JAZF1: variants seen among roughly 807,000 people sequenced by gnomAD.
JAZF1 encodes juxtaposed with another zinc finger protein 1.
Under a neutral mutation model 26.4 loss-of-function variants are expected in JAZF1, and 8 were observed. The ratio of observed to expected loss-of-function variants is 0.30; its 90% CI spans 0.18 to 0.55. The LOEUF (loss-of-function observed/expected upper bound fraction) is 0.55, where lower values mean the gene tolerates loss of function less well. Ranked by LOEUF, JAZF1 falls within the 20% of genes least tolerant of loss-of-function variation. The pLI is 0.94. For missense variants in JAZF1, 199 were observed against 322.0 expected (o/e 0.62, Z 2.92); for synonymous variants, 126 against 122.3 (o/e 1.03, Z -0.20).
chr7:27,983,391 T>C (rs1453386756), intron 2 of JAZF1, among the ~76,000 whole-genome samples: 2 of 151,770 alleles, frequency 1.3e-5, no homozygotes, highest in Non-Finnish European at 2.9e-5. Flanking sequence ...AGAAGAGAAG[T>C]TTAGAGAAAA....
At chr7:28,046,664 C>A (rs1274877793) in intron 1 of JAZF1, among the ~76,000 whole-genome samples, 1 of 152,106 alleles carries the variant, frequency 6.6e-6, no homozygotes, top group African/African-American at 2.4e-5. Flanking sequence ...CTGGACATTG[C>A]CAATCATTTT....
chr7:28,168,889 T>C (rs968636239), intron 1 of JAZF1, among the ~76,000 whole-genome samples: 2 of 152,234 alleles, frequency 1.3e-5, no homozygotes, highest in African/African-American at 4.8e-5. Flanking sequence ...GGCAACACAT[T>C]AGAATAAACT....
chr7:27,977,471 A>T (rs1785498158), intron 2 of JAZF1, among the ~76,000 whole-genome samples: 1 of 152,130 alleles, frequency 6.6e-6, no homozygotes, highest in South Asian at 2.1e-4. Flanking sequence ...TTCTAATTTG[A>T]AGTCTTTCTG....
chr7:27,916,069 G>A (rs67583972), intron 2 of JAZF1, among the ~76,000 whole-genome samples: 32,559 of 152,000 alleles, frequency 0.21, 4,212 homozygotes, highest in Middle Eastern at 0.29. Flanking sequence ...AGGCCTCAGA[G>A]GGCCTTACAC....
At chr7:28,000,303 G>A (rs1786117767) in intron 1 of JAZF1, among the ~76,000 whole-genome samples, 1 of 152,152 alleles carries the variant, frequency 6.6e-6, no homozygotes, top group South Asian at 2.1e-4. Context: ...TTCCAGTATA[G>A]TATCTAGGGG....
chr7:28,069,981 C>T (rs992020670), intron 1 of JAZF1, among the ~76,000 whole-genome samples: 1 of 152,150 alleles, frequency 6.6e-6, no homozygotes, highest in Non-Finnish European at 1.5e-5. Flanking sequence ...AGTCCTCCCG[C>T]GCCTTCTCTG....
At chr7:28,158,168 A>AACAC (rs759047365) in intron 1 of JAZF1, among the ~76,000 whole-genome samples, 100 of 142,142 alleles carry the variant, frequency 7.0e-4, no homozygotes, top group South Asian at 1.4e-3. Context: ...CACACACACA[A>AACAC]ACACACACAC....
chr7:27,959,965 G>C (rs559400793), intron 2 of JAZF1, among the ~76,000 whole-genome samples: 1 of 152,094 alleles, frequency 6.6e-6, no homozygotes, highest in East Asian at 1.9e-4. Flanking sequence ...ACTCAGATCA[G>C]ATGCCCTTTC....
At chr7:27,987,184 GGCC>G (rs1785737365) in intron 2 of JAZF1, among the ~76,000 whole-genome samples, 1 of 150,924 alleles carries the variant, frequency 6.6e-6, no homozygotes. Context: ...GCCTCTTCCC[GGCC>G]GCCATCCCAT....
chr7:28,032,372 T>C (rs1210193316), intron 1 of JAZF1, among the ~76,000 whole-genome samples: 5 of 152,134 alleles, frequency 3.3e-5, no homozygotes, highest in Admixed American at 6.5e-5. Flanking sequence ...AAATTAATAA[T>C]AAGAAAAAGT....
chr7:27,923,356 T>C (rs570121187), intron 2 of JAZF1, among the ~76,000 whole-genome samples: 10 of 152,336 alleles, frequency 6.6e-5, no homozygotes, highest in African/African-American at 2.4e-4. Context: ...ACAAGTGCTC[T>C]CGGCATGAAC....
intron 1 of JAZF1, among the ~76,000 whole-genome samples, chr7:28,063,135 T>C (rs886380163): frequency 3.3e-5 from 5 of 152,242 alleles, no homozygotes; most frequent in African/African-American, 1.2e-4. Context: ...CTTCCTCTTT[T>C]CACACTCTGT....
chr7:27,848,333 TTC>T (rs1281597838), intron 3 of JAZF1, among the ~76,000 whole-genome samples: 2 of 151,468 alleles, frequency 1.3e-5, no homozygotes, highest in Non-Finnish European at 3.0e-5. Context: ...TTGTCTTGAT[TTC>T]TTTTTCAGCT....
chr7:28,110,571 G>A (rs1304941123), intron 1 of JAZF1, among the ~76,000 whole-genome samples: 1 of 114,074 alleles, frequency 8.8e-6, no homozygotes, highest in African/African-American at 3.4e-5. Flanking sequence ...GAAAGGAAAA[G>A]GGAAAGGGAA....
chr7:27,987,008 C>T (rs1785730266), intron 2 of JAZF1, among the ~76,000 whole-genome samples: 1 of 152,142 alleles, frequency 6.6e-6, no homozygotes, highest in African/African-American at 2.4e-5. Context: ...CTCGCTACAA[C>T]CTCCACCTCC....
intron 2 of JAZF1, among the ~76,000 whole-genome samples, chr7:27,979,481 T>TGG (rs376088956): frequency 3.6e-4 from 51 of 142,856 alleles, no homozygotes; most frequent in African/African-American, 1.3e-3. Flanking sequence ...CTTGAACTCC[T>TGG]GGGCTCAAGC....
intron 3 of JAZF1, among the ~76,000 whole-genome samples, chr7:27,892,480 A>G (rs925201812): frequency 1.3e-5 from 2 of 152,166 alleles, no homozygotes; most frequent in Non-Finnish European, 2.9e-5. Flanking sequence ...GGTCCTAGGC[A>G]CCCGTCACTA....
intron 2 of JAZF1, among the ~76,000 whole-genome samples, chr7:27,918,474 G>A (rs762847731): frequency 6.6e-5 from 10 of 152,176 alleles, no homozygotes; most frequent in Non-Finnish European, 1.3e-4. Context: ...TAGGAGGGCA[G>A]AGTTCATGTT....
intron 1 of JAZF1, among the ~76,000 whole-genome samples, chr7:28,164,055 T>C (rs1480690831): frequency 6.6e-6 from 1 of 152,234 alleles, no homozygotes; most frequent in Non-Finnish European, 1.5e-5. Context: ...TGAGCTCTAG[T>C]AGTCCACCAT....
Sources: allele counts gnomAD v4.1 joint callset (sites outside exome capture counted in the v4.1 genomes callset), GRCh38; gene constraint gnomAD v4.1.1; transcripts MANE v1.5; gene names NCBI Gene and HGNC (gene_info 2026-07-23, HGNC 2026-07-21).